The following SLC25A48 variants were observed in gnomAD, a reference collection of about 807,000 sequenced individuals.
SLC25A48 encodes the protein solute carrier family 25 member 48.
A neutral mutation model predicts 32.2 loss-of-function variants in SLC25A48; 29 were observed. The ratio of observed to expected loss-of-function variants is 0.90; its 90% CI spans 0.67 to 1.23. SLC25A48 has a LOEUF of 1.23. Among genes scored for constraint, SLC25A48 ranks in the 50% most tolerant of loss-of-function variants. SLC25A48 has a pLI of 0.00. For missense variants in SLC25A48, 399 were observed against 422.7 expected, an observed-to-expected ratio of 0.94 and a Z score of 0.49; for synonymous variants, 164 against 172.3, an observed-to-expected ratio of 0.95 and a Z score of 0.38.
intron 3 of SLC25A48, chr5:135,650,498 G>C: frequency 2.2e-6 from 1 of 454,696 alleles, no homozygotes; most frequent in Non-Finnish European, 4.4e-6. Context: ...CCTTGGAGAA[G>C]GATGACTCCA....
At chr5:135,661,672 C>T (rs987871729) in intron 3 of SLC25A48, among the ~76,000 whole-genome samples, 2 of 152,172 alleles carry the variant, frequency 1.3e-5, no homozygotes, top group African/African-American at 2.4e-5. Context: ...CTTTCTGCTA[C>T]TCTCTCTAGG....
At chr5:135,638,610 G>A (rs1332875713) in intron 3 of SLC25A48, among the ~76,000 whole-genome samples, 1 of 152,206 alleles carries the variant, frequency 6.6e-6, no homozygotes, top group African/African-American at 2.4e-5. Flanking sequence ...CTAAAGGAAA[G>A]AGAAATACCA....
At chr5:135,809,027 C>CG (rs34701629) in intron 3 of SLC25A48, among the ~76,000 whole-genome samples, 2 of 151,688 alleles carry the variant, frequency 1.3e-5, no homozygotes, top group African/African-American at 4.8e-5. Context: ...TAGGCTGGGT[C>CG]GGGGGGGCTC....
upstream of SLC25A48, among the ~76,000 whole-genome samples, chr5:135,833,420 A>G (rs1758280546): frequency 6.6e-6 from 1 of 152,156 alleles, no homozygotes; most frequent in Non-Finnish European, 1.5e-5. Context: ...CCACTTGTGG[A>G]TGCATTCCAA....
At chr5:135,847,525 T>A (rs1759521490) in intron 2 of SLC25A48, among the ~76,000 whole-genome samples, 1 of 152,230 alleles carries the variant, frequency 6.6e-6, no homozygotes, top group South Asian at 2.1e-4. Flanking sequence ...TTTGCAGGTA[T>A]GATTATGTTA....
intron 3 of SLC25A48, among the ~76,000 whole-genome samples, chr5:135,790,236 A>G (rs1756990348): frequency 6.6e-6 from 1 of 151,910 alleles, no homozygotes; most frequent in Non-Finnish European, 1.5e-5. Flanking sequence ...TGTTTACACC[A>G]TGTGTGTACA....
At position 135,758,837 on chromosome 5, in the gene SLC25A48, A is replaced by C. The variant is rs1333057376; in HGVS notation, c.-520-53686A>C. On this transcript the variant is annotated intron_variant, in intron 3 of 10. Transcript: ENST00000646290. ...GTTAACACACTATGATATTAATAGAATATTATCTATGCTATAAATAATATC... is the reference window on the plus strand; with the variant it reads ...GTTAACACACTATGATATTAATAGACTATTATCTATGCTATAAATAATATC... Among the ~76,000 whole-genome samples the C allele has an allele frequency of 2.7e-5, 4 of 150,790 alleles. No homozygotes were observed. In the South Asian group the frequency reaches 6.3e-4, roughly 24 times the overall value.
At chr5:135,871,078 C>T (rs868112384) in intron 4 of SLC25A48, among the ~76,000 whole-genome samples, 7 of 120,486 alleles carry the variant, frequency 5.8e-5, no homozygotes, top group African/African-American at 2.5e-4. Context: ...CACACACACA[C>T]ACACACACAC....
intron 3 of SLC25A48, among the ~76,000 whole-genome samples, chr5:135,793,033 G>A (rs1454580919): frequency 1.3e-5 from 2 of 151,328 alleles, no homozygotes; most frequent in African/African-American, 4.9e-5. Context: ...ATCACAGTGG[G>A]TGTACACCAG....
intron 4 of SLC25A48, among the ~76,000 whole-genome samples, chr5:135,859,031 G>A (rs1760564824): frequency 6.6e-6 from 1 of 152,072 alleles, no homozygotes; most frequent in Non-Finnish European, 1.5e-5. Context: ...AAAATGAGAA[G>A]GAATGTGGTT....
chr5:135,686,959 C>A (rs1388294557), intron 3 of SLC25A48, among the ~76,000 whole-genome samples: 3 of 144,756 alleles, frequency 2.1e-5, no homozygotes, highest in Non-Finnish European at 4.6e-5. Context: ...TTTTTTTTTT[C>A]CACAGAGAAG....
At position 135,852,591 on chromosome 5, in the gene SLC25A48, T is replaced by TC. The variant is rs1338013793; in HGVS notation, c.196dup (p.Leu66ProfsTer17). 1.9e-6 allele frequency: 3 copies of TC among 1,600,878 alleles called. No homozygotes were observed. Among genetic ancestry groups the TC allele is most frequent in the Admixed American group, 3.3e-5 (2 of 59,718 alleles). On this transcript the variant is annotated frameshift_variant, in exon 4 of 8. Transcript: ENST00000681962. LOFTEE classifies it high-confidence loss of function. ...TTCGGCTTCTTCAAGGGCATGTCCT[T>TC]CCCCCTCGCCAGCATTGCCGTCTAC...
upstream of SLC25A48, among the ~76,000 whole-genome samples, chr5:135,834,468 T>TGAG (rs1351882299): frequency 6.6e-6 from 1 of 152,208 alleles, no homozygotes; most frequent in Non-Finnish European, 1.5e-5. Flanking sequence ...CGGCTGGCAC[T>TGAG]TTCAGTTCAA....
chr5:135,668,670 A>G (rs1484170451), intron 3 of SLC25A48, among the ~76,000 whole-genome samples: 1 of 152,198 alleles, frequency 6.6e-6, no homozygotes, highest in East Asian at 1.9e-4. Flanking sequence ...CAGAACATCA[A>G]TCACAGCTGC....
At chr5:135,800,112 T>A (rs1293298902) in intron 3 of SLC25A48, among the ~76,000 whole-genome samples, 2 of 151,622 alleles carry the variant, frequency 1.3e-5, no homozygotes, top group Non-Finnish European at 2.9e-5. Context: ...GGAAAAACGA[T>A]TATATTACTC....
At chr5:135,850,629 T>C (rs981277905) in intron 3 of SLC25A48, 133 bp downstream of exon 3, 9 of 762,686 alleles carry the variant, frequency 1.2e-5, no homozygotes, top group African/African-American at 1.7e-5. Context: ...TGATTTTCCC[T>C]ACTTCATCTC....
intron 4 of SLC25A48, among the ~76,000 whole-genome samples, chr5:135,853,120 A>G (rs2126741745): frequency 6.6e-6 from 1 of 152,360 alleles, no homozygotes; most frequent in Admixed American, 6.5e-5. Flanking sequence ...ATAAGTATAT[A>G]TACCTTAATT....
At chr5:135,594,471 C>T (rs757556014) in intron 1 of SLC25A48, among the ~76,000 whole-genome samples, 2 of 152,314 alleles carry the variant, frequency 1.3e-5, no homozygotes, top group Middle Eastern at 3.4e-3. Flanking sequence ...AGCTGTGTGA[C>T]TTCTGGCACT....
chr5:135,872,080 G>T, intron 5 of SLC25A48: 1 of 1,092,034 alleles, frequency 9.2e-7, no homozygotes, highest in Non-Finnish European at 1.2e-6. Flanking sequence ...GGTAGGAATC[G>T]GTTTCCCCAT....
Sources: gnomAD v4.1 joint callset for allele counts (sites outside exome capture counted in the v4.1 genomes callset) on GRCh38, gnomAD v4.1.1 for gene constraint, MANE v1.5 for transcripts, NCBI Gene and HGNC (gene_info 2026-07-23, HGNC 2026-07-21) for gene names.